The following KHDRBS2 variants were observed in gnomAD, a reference collection of about 807,000 sequenced individuals.
KHDRBS2 encodes the protein KH domain-containing, RNA-binding, signal transduction-associated protein 2.
KHDRBS2 carries 26 observed loss-of-function variants against 44.3 expected under a neutral mutation model. The ratio of observed to expected loss-of-function variants is 0.59; its 90% confidence interval spans 0.43 to 0.81. The LOEUF (loss-of-function observed/expected upper bound fraction) is 0.81. KHDRBS2 is among the 40% of genes least tolerant of loss of function. KHDRBS2 has a pLI of 0.00. For missense variants in KHDRBS2, 476 were observed against 433.1 expected (o/e 1.10, Z -0.88); for synonymous variants, 194 against 151.1 (o/e 1.28, Z -2.08).
At chr6:62,037,555 A>T (rs1785548706) in intron 3 of KHDRBS2, among the ~76,000 whole-genome samples, 1 of 152,026 alleles carries the variant, frequency 6.6e-6, no homozygotes, top group Non-Finnish European at 1.5e-5. Flanking sequence ...CCAAAAACGA[A>T]GAGAAAACAG....
intron 2 of KHDRBS2, among the ~76,000 whole-genome samples, chr6:62,086,199 A>G (rs1027022787): frequency 2.0e-5 from 3 of 152,176 alleles, no homozygotes; most frequent in Non-Finnish European, 2.9e-5. Context: ...AGCTTAAAAT[A>G]TAATGGGACT....
chr6:61,788,246 A>G (rs1296537001), intron 6 of KHDRBS2, among the ~76,000 whole-genome samples: 1 of 151,532 alleles, frequency 6.6e-6, no homozygotes, highest in Non-Finnish European at 1.5e-5. Context: ...GCCTATTTCC[A>G]TGACTAATGA....
intron 1 of KHDRBS2, among the ~76,000 whole-genome samples, chr6:62,279,011 C>G (rs536093106): frequency 1.3e-5 from 2 of 151,974 alleles, no homozygotes; most frequent in East Asian, 1.9e-4. Context: ...GGAGAATGGC[C>G]TGAACCCGGG....
chr6:61,617,712 T>A, the KHDRBS2 span, among the ~76,000 whole-genome samples: 18 of 152,138 alleles, frequency 1.2e-4, no homozygotes, highest in Non-Finnish European at 2.2e-4. Flanking sequence ...TAAAGTAATT[T>A]AACAAAGAAT....
chr6:62,141,408 T>C (rs181065353), intron 2 of KHDRBS2, among the ~76,000 whole-genome samples: 59 of 152,264 alleles, frequency 3.9e-4, no homozygotes, highest in African/African-American at 1.4e-3. Flanking sequence ...AAAATATAAA[T>C]CATTTGGCCT....
chr6:62,106,630 C>T (rs1803411966), intron 2 of KHDRBS2, among the ~76,000 whole-genome samples: 1 of 152,084 alleles, frequency 6.6e-6, no homozygotes, highest in African/African-American at 2.4e-5. Context: ...CATCCTGATA[C>T]CAAAGCCGGG....
At chr6:61,849,974 A>C (rs1795200048) in intron 6 of KHDRBS2, among the ~76,000 whole-genome samples, 1 of 152,150 alleles carries the variant, frequency 6.6e-6, no homozygotes, top group Non-Finnish European at 1.5e-5. Context: ...TTGACAAACA[A>C]AAATATTTTT....
At chr6:61,870,614 G>A (rs1046476227) in intron 6 of KHDRBS2, among the ~76,000 whole-genome samples, 10 of 152,084 alleles carry the variant, frequency 6.6e-5, no homozygotes, top group Admixed American at 2.0e-4. Context: ...TAGACACCTC[G>A]TACAGGAGAT....
intron 1 of KHDRBS2, among the ~76,000 whole-genome samples, chr6:62,188,068 G>C (rs1413931427): frequency 3.3e-5 from 5 of 151,916 alleles, no homozygotes; most frequent in Non-Finnish European, 7.4e-5. Context: ...TAAACAACCA[G>C]CTCTCAGGTG....
chr6:61,946,133 A>T (rs946825247), intron 4 of KHDRBS2, among the ~76,000 whole-genome samples: 3 of 152,178 alleles, frequency 2.0e-5, no homozygotes, highest in Non-Finnish European at 4.4e-5. Flanking sequence ...GCAATTCAGA[A>T]ATCTTAAAGA....
At chr6:61,792,571 A>G (rs1378862729) in intron 6 of KHDRBS2, among the ~76,000 whole-genome samples, 1 of 151,592 alleles carries the variant, frequency 6.6e-6, no homozygotes, top group Non-Finnish European at 1.5e-5. Context: ...ATCGTTGTAG[A>G]GTGATAGTTT....
the KHDRBS2 span, among the ~76,000 whole-genome samples, chr6:61,584,852 AAAAC>A: frequency 3.3e-5 from 5 of 151,764 alleles, no homozygotes; most frequent in South Asian, 2.1e-4. Context: ...TTTTTTCATG[AAAAC>A]AAACAAAAAA....
intron 6 of KHDRBS2, among the ~76,000 whole-genome samples, chr6:61,754,325 G>C (rs1022698139): frequency 1.3e-5 from 2 of 152,134 alleles, no homozygotes; most frequent in Admixed American, 1.3e-4. Context: ...AGTGGGGCCA[G>C]AGAACATTAC....
chr6:61,867,611 T>A (rs1256154685), intron 6 of KHDRBS2, among the ~76,000 whole-genome samples: 1 of 152,238 alleles, frequency 6.6e-6, no homozygotes, highest in African/African-American at 2.4e-5. Flanking sequence ...TCTTTGATGT[T>A]GCTGATCTTT....
At chr6:62,203,022 A>G (rs1310758349) in intron 1 of KHDRBS2, among the ~76,000 whole-genome samples, 1 of 152,164 alleles carries the variant, frequency 6.6e-6, no homozygotes, top group Admixed American at 6.6e-5. Context: ...GTCTTTGTTT[A>G]CTGCTATAAC....
At chr6:62,154,775 T>C (rs917674484) in intron 2 of KHDRBS2, among the ~76,000 whole-genome samples, 5 of 152,214 alleles carry the variant, frequency 3.3e-5, no homozygotes, top group African/African-American at 9.6e-5. Context: ...CGTAGCTTTA[T>C]CTTATTTAGT....
intron 3 of KHDRBS2, among the ~76,000 whole-genome samples, chr6:61,993,674 T>TATATATATATATATATATATATATATATA (rs58974944): frequency 2.4e-5 from 2 of 84,322 alleles, no homozygotes; most frequent in Non-Finnish European, 4.8e-5. Context: ...TATATATATA[T>TATATATATATATATATATATATATATATA]TTTTTTTTTT....
At chr6:61,760,275 C>A (rs1779081074) in intron 6 of KHDRBS2, among the ~76,000 whole-genome samples, 1 of 152,080 alleles carries the variant, frequency 6.6e-6, no homozygotes, top group South Asian at 2.1e-4. Flanking sequence ...AAGAACAAGG[C>A]CCCAAATTGT....
intron 2 of KHDRBS2, among the ~76,000 whole-genome samples, chr6:62,068,932 T>A (rs1366115220): frequency 2.0e-5 from 3 of 151,658 alleles, no homozygotes; most frequent in African/African-American, 7.2e-5. Context: ...ACTGTTTGAG[T>A]TCTTTAAATT....
Sources: allele counts gnomAD v4.1 joint callset (sites outside exome capture counted in the v4.1 genomes callset), GRCh38; gene constraint gnomAD v4.1.1; transcripts MANE v1.5; gene names NCBI Gene and HGNC (gene_info 2026-07-23, HGNC 2026-07-21).